Variants in NLRP8 observed in about 807,000 individuals in gnomAD.
NLRP8 encodes the protein NACHT, LRR and PYD domains-containing protein 8.
Under a neutral mutation model 88.7 loss-of-function variants are expected in NLRP8, and 86 were observed. The observed-to-expected ratio is 0.97, with a 90% CI of 0.81 to 1.16. The LOEUF (loss-of-function observed/expected upper bound fraction) is 1.16. Ranked by LOEUF, NLRP8 falls within the 50% of genes most tolerant of loss-of-function variation. NLRP8 has a pLI of 0.00. For synonymous variants in NLRP8, 504 were observed against 494.6 expected, an observed-to-expected ratio of 1.02 and a Z score of -0.25; for missense variants, 1,342 against 1,286.5, an observed-to-expected ratio of 1.04 and a Z score of -0.66.
At chr19:55,986,487 C>CACACATACACACACACACACACACAT (rs777373958) in intron 9 of NLRP8, among the ~76,000 whole-genome samples, 150 of 151,232 alleles carry the variant, frequency 9.9e-4, no homozygotes, top group African/African-American at 3.6e-3. Context: ...CACACACACA[C>CACACATACACACACACACACACACAT]ACACACACAC....
At chr19:55,982,564 C>T (rs1980618886) in intron 9 of NLRP8, among the ~76,000 whole-genome samples, 1 of 152,182 alleles carries the variant, frequency 6.6e-6, no homozygotes, top group South Asian at 2.1e-4. Context: ...CAAGAATCTT[C>T]AGAGAAAGAG....
In NLRP8 at chr19:55,955,408, A is replaced by T. The variant is rs2123189328; in HGVS notation, c.1350A>T (p.Gln450His). 1 of 1,614,228 alleles carries T rather than the reference A, an allele frequency of 6.2e-7. No individual in the cohort carries two copies. The highest frequency in any genetic ancestry group is 1.1e-5 in the South Asian group (1 of 91,084). ...TTTCCAGAAAGATCCACCAAGCACA[A>T]CTGGAAGGTCTGTGTCACTTGGCCG... The change falls in exon 3 of 10, where the codon CAA becomes CAT. Residue 450 changes from glutamine (Q) to histidine (H), a missense_variant. Transcript: ENST00000291971.
intron 5 of NLRP8, among the ~76,000 whole-genome samples, chr19:55,967,685 T>G (rs1979904810): frequency 6.6e-6 from 1 of 152,252 alleles, no homozygotes; most frequent in Non-Finnish European, 1.5e-5. Context: ...TTCGATGGAC[T>G]GATTTCCTTT....
At chr19:55,984,426 G>C (rs940429574) in intron 9 of NLRP8, among the ~76,000 whole-genome samples, 3 of 151,474 alleles carry the variant, frequency 2.0e-5, no homozygotes, top group African/African-American at 4.8e-5. Flanking sequence ...AGGCCGAAGC[G>C]GGGGGATCAC....
intron 9 of NLRP8, chr19:55,987,686 T>A (rs1169342577): frequency 2.2e-5 from 15 of 669,316 alleles, no homozygotes; most frequent in Non-Finnish European, 2.4e-5. Context: ...TCAGGACACC[T>A]GGGTAGAAAG....
At position 55,962,125 on chromosome 19, in the gene NLRP8, A is replaced by G. The variant is rs1979638933; in HGVS notation, c.2101A>G (p.Thr701Ala). Residue 701 changes from threonine (T) to alanine (A), a missense_variant, in exon 4 of 10, where the codon ACG (threonine) becomes GCG (alanine). Coordinates refer to ENST00000291971, the MANE Select transcript of NLRP8 (RefSeq NM_176811.2). ...GCAAGACTTATGCTCTGTGTTTGCA[A>G]CGAATGATAAGCTGGAAGTCCTGAC... 1.2e-6 allele frequency: 2 copies of G among 1,614,206 alleles called. No homozygotes were observed. The highest frequency in any genetic ancestry group is 1.7e-6 in the Non-Finnish European group (2 of 1,180,016).
intron 8 of NLRP8, among the ~76,000 whole-genome samples, chr19:55,977,240 T>C (rs1047326024): frequency 8.9e-5 from 13 of 145,652 alleles, no homozygotes; most frequent in African/African-American, 3.2e-4. Flanking sequence ...TATATAAAGA[T>C]ACATAAGATA....
At position 55,988,167 on chromosome 19, in the gene NLRP8, A is replaced by T. The variant is rs1274313173; in HGVS notation, c.*254A>T. 7.6e-6 allele frequency: 2 copies of T among 262,552 alleles called. No homozygotes were observed. The highest frequency in any genetic ancestry group is 4.5e-5 in the African/African-American group (2 of 44,682). The allele number at this position is 262,552 out of a possible 1,614,324, so 16.3% of individuals were successfully genotyped here. On this transcript the variant is annotated 3_prime_UTR_variant, in exon 10 of 10. Coordinates refer to ENST00000291971, the MANE Select transcript of NLRP8 (RefSeq NM_176811.2). ...AGCACTATGGGAGGTCGAGGTGGGC[A>T]GATTACCTGAGGTCAGGAGTTCCAG...
At chr19:55,974,679 T>C (rs369879161) in intron 7 of NLRP8, among the ~76,000 whole-genome samples, 1 of 146,774 alleles carries the variant, frequency 6.8e-6, no homozygotes. Flanking sequence ...GAGCTTACAG[T>C]GAGCCAAGAT....
At chr19:55,966,626 C>G (rs1437869544) in intron 5 of NLRP8, among the ~76,000 whole-genome samples, 2 of 152,110 alleles carry the variant, frequency 1.3e-5, no homozygotes, top group African/African-American at 4.8e-5. Context: ...AACTCCATCT[C>G]TACTAAAAAT....
chr19:55,956,048 C>G lies in NLRP8; in HGVS notation c.1990C>G (p.Leu664Val), dbSNP rs1356331684. The G allele has an allele frequency of 1.9e-6, 3 of 1,614,102 alleles. No individual in the cohort carries two copies. The South Asian group carries it at 3.3e-5, about 18-fold the overall frequency. The change falls in exon 3 of 10, where the codon CTG (leucine) becomes GTG (valine). Residue 664 changes from leucine (L) to valine (V), a missense_variant. By Grantham distance (32) the Leu-to-Val change is conservative. Transcript: ENST00000291971. ...GCATGAGGTGGAACTGACCGTCACCCTGAACTTCATGAACGTGTGGAAGCT... is the reference window on the plus strand; with the variant it reads ...GCATGAGGTGGAACTGACCGTCACCGTGAACTTCATGAACGTGTGGAAGCT...
At chr19:55,948,854 G>A (rs1346976388) in intron 1 of NLRP8, among the ~76,000 whole-genome samples, 1 of 152,194 alleles carries the variant, frequency 6.6e-6, no homozygotes, top group East Asian at 1.9e-4. Flanking sequence ...TATGGAAACA[G>A]CAGAAGACAG....
At chr19:55,967,177 T>C (rs1487671674) in intron 5 of NLRP8, among the ~76,000 whole-genome samples, 1 of 152,244 alleles carries the variant, frequency 6.6e-6, no homozygotes, top group African/African-American at 2.4e-5. Flanking sequence ...TTCAACCTGT[T>C]AACCCGTTTA....
Position 55,954,645 on chromosome 19 carries a change from A to T in NLRP8, c.587A>T (p.Lys196Ile), listed in dbSNP as rs770057007. 1.9e-6 allele frequency: 3 copies of T among 1,614,048 alleles called. No individual in the cohort carries two copies. In the African/African-American group the frequency reaches 4.0e-5, roughly 22 times the overall value. Residue 196 changes from lysine to isoleucine, a missense_variant, in exon 3 of 10, where the codon AAA becomes ATA. Physicochemically the swap from Lys to Ile is moderately radical, Grantham distance 102 (BLOSUM62 -3). Coordinates refer to ENST00000291971, the MANE Select transcript of NLRP8 (RefSeq NM_176811.2). The stretch of plus-strand genomic sequence containing the variant: ...TACTTACCATGTCTGCTTCTGCCCA[A>T]AAGACCCCAGGGTAGACAGCCCAAG...
chr19:55,984,914 T>C (rs1312148011), intron 9 of NLRP8, among the ~76,000 whole-genome samples: 1 of 152,218 alleles, frequency 6.6e-6, no homozygotes, highest in Non-Finnish European at 1.5e-5. Context: ...CTTTCAAAGA[T>C]GACAATTTTC....
At position 55,976,092 on chromosome 19, in the gene NLRP8, A is replaced by T. The variant is rs79246559; in HGVS notation, c.2706-41A>T. The T allele has an allele frequency of 7.7e-4, 1,128 of 1,457,360 alleles. 9 individuals are homozygous for T. In the African/African-American group the frequency reaches 0.014, roughly 18 times the overall value. The allele number at this position is 1,457,360 out of a possible 1,614,324, so 90.3% of individuals were successfully genotyped here. A position where few individuals can be genotyped will look rare whatever the true frequency, so the allele number is the denominator to read the frequency against. On this transcript the variant is annotated intron_variant, in intron 7 of 9. Coordinates refer to ENST00000291971, the MANE Select transcript of NLRP8 (RefSeq NM_176811.2). ...GTTGTTGTTGTTGTTGTTTTGTTGT[A>T]GTTGTTGTTGTTGTTGTTTTTAACC... is the stretch of plus-strand genomic sequence containing the variant.
At position 55,948,222 on chromosome 19, in the gene NLRP8, T is replaced by G; in HGVS notation, c.320T>G (p.Ile107Ser). 6.2e-7 allele frequency: 1 copy of G among 1,614,116 alleles called. No homozygotes were observed. The highest frequency in any genetic ancestry group is 8.5e-7 in the Non-Finnish European group (1 of 1,180,000). Residue 107 changes from isoleucine to serine, a missense_variant, in exon 1 of 10, where the codon ATT (isoleucine) becomes AGT (serine). Ile to Ser is a moderately radical substitution (Grantham distance 142). Transcript: ENST00000291971. ...GATGTGACTTCGAACATCTTTGCCA[T>G]TATGAACTGTGATAAAATGTGTGTT...
intron 9 of NLRP8, among the ~76,000 whole-genome samples, chr19:55,985,138 C>T (rs1980749368): frequency 6.6e-6 from 1 of 152,000 alleles, no homozygotes; most frequent in Admixed American, 6.6e-5. Context: ...CCCGTCTCTA[C>T]TAAAGATACA....
At chr19:55,950,767 A>G (rs1979058239) in intron 1 of NLRP8, among the ~76,000 whole-genome samples, 2 of 152,144 alleles carry the variant, frequency 1.3e-5, no homozygotes, top group African/African-American at 4.8e-5. Flanking sequence ...GCTCACGCCT[A>G]TAATCCCAGC....
Sources: gnomAD v4.1 joint callset for allele counts (sites outside exome capture counted in the v4.1 genomes callset) on GRCh38, gnomAD v4.1.1 for gene constraint, MANE v1.5 for transcripts, NCBI Gene and HGNC (gene_info 2026-07-23, HGNC 2026-07-21) for gene names.